STX2: variants seen among roughly 807,000 people sequenced by gnomAD.
The protein encoded by STX2 is syntaxin-2.
A neutral mutation model predicts 40.6 loss-of-function variants in STX2; 27 were observed. The observed-to-expected ratio is 0.66, with a 90% CI of 0.49 to 0.92. STX2 has a LOEUF of 0.92. STX2 is among the 40% of genes least tolerant of loss of function. The probability of loss-of-function intolerance (pLI) is 0.00; values close to 1 mark genes in which losing one functional copy is unlikely to be tolerated. For missense variants in STX2, 328 were observed against 366.1 expected, an observed-to-expected ratio of 0.90 and a Z score of 0.85; for synonymous variants, 123 against 119.1, an observed-to-expected ratio of 1.03 and a Z score of -0.22.
In STX2 at chr12:130,807,081, G is replaced by A; in HGVS notation, c.364C>T (p.Leu122=). 1 of 1,614,140 alleles carries A rather than the reference G, an allele frequency of 6.2e-7. No homozygotes were observed. Among genetic ancestry groups the A allele is most frequent in the Non-Finnish European group, 8.5e-7 (1 of 1,179,986 alleles). Residue 122 remains leucine (L), a synonymous_variant, in exon 6 of 11, where the codon CTG becomes TTG. Transcript: ENST00000392373. Reference sequence around the variant, plus strand: ...ATGGCTTCCACAAACTTCCGAGACAGCACCGAATGCTAACAACACAGGAAA... The same window carrying A: ...ATGGCTTCCACAAACTTCCGAGACAACACCGAATGCTAACAACACAGGAAA... ...LRIRRTQHSV[L]SRKFVEAMAE...
intron 2 of STX2, among the ~76,000 whole-genome samples, chr12:130,826,004 C>G (rs1952288026): frequency 6.6e-6 from 1 of 152,186 alleles, no homozygotes; most frequent in South Asian, 2.1e-4. Flanking sequence ...AAGAGCTGAG[C>G]TGGGGAGATA....
chr12:130,826,379 G>A (rs184986733), intron 2 of STX2, among the ~76,000 whole-genome samples: 46 of 152,282 alleles, frequency 3.0e-4, no homozygotes, highest in Middle Eastern at 3.4e-3. Flanking sequence ...CTTAAGGGGC[G>A]CCGCAGGACC....
intron 1 of STX2, among the ~76,000 whole-genome samples, chr12:130,836,734 T>G (rs1034019485): frequency 2.0e-5 from 3 of 152,240 alleles, no homozygotes; most frequent in African/African-American, 7.2e-5. Flanking sequence ...ACAAGAGAGA[T>G]ACCACTGTCC....
intron 1 of STX2, among the ~76,000 whole-genome samples, chr12:130,829,740 C>T (rs984277144): frequency 2.0e-5 from 3 of 152,160 alleles, no homozygotes; most frequent in African/African-American, 7.2e-5. Context: ...CTCAGCTGTG[C>T]GGTCTCAGAG....
intron 3 of STX2, among the ~76,000 whole-genome samples, chr12:130,819,120 C>G (rs7304124): frequency 0.11 from 16,975 of 152,272 alleles, 1,166 homozygotes; most frequent in Non-Finnish European, 0.14. Flanking sequence ...GGACCGGGGA[C>G]CCGCCCAGGA....
At chr12:130,795,311 T>C (rs376297788) in intron 10 of STX2, among the ~76,000 whole-genome samples, 9 of 152,342 alleles carry the variant, frequency 5.9e-5, no homozygotes, top group Admixed American at 2.6e-4. Flanking sequence ...TTTTATAAAG[T>C]ACCTTTCAGT....
At chr12:130,822,148 G>T (rs373602763) in intron 2 of STX2, among the ~76,000 whole-genome samples, 183 of 152,264 alleles carry the variant, frequency 1.2e-3, no homozygotes, top group African/African-American at 4.1e-3. Context: ...CAGGCACAGT[G>T]GCTCACACCT....
intron 8 of STX2, among the ~76,000 whole-genome samples, chr12:130,800,456 T>G (rs764406698): frequency 2.0e-5 from 3 of 152,160 alleles, no homozygotes; most frequent in Non-Finnish European, 2.9e-5. Context: ...AAGAATTGCA[T>G]TAACTCTTCG....
chr12:130,794,897 A>G (rs1285785234), intron 10 of STX2, among the ~76,000 whole-genome samples: 1 of 152,246 alleles, frequency 6.6e-6, no homozygotes, highest in African/African-American at 2.4e-5. Context: ...AACAGTTCAC[A>G]ACTGTCTAAT....
intron 10 of STX2, among the ~76,000 whole-genome samples, chr12:130,793,221 G>A (rs1385139286): frequency 6.6e-6 from 1 of 152,124 alleles, no homozygotes; most frequent in East Asian, 1.9e-4. Context: ...CTGCCTGCAG[G>A]AGGGCCCCTC....
intron 8 of STX2, among the ~76,000 whole-genome samples, chr12:130,800,418 A>G (rs1009090877): frequency 6.6e-6 from 1 of 151,750 alleles, no homozygotes; most frequent in African/African-American, 2.4e-5. Context: ...CTCCCACCTC[A>G]GCCTCCCAGA....
At chr12:130,795,796 G>A (rs963772584) in intron 10 of STX2, among the ~76,000 whole-genome samples, 199 bp downstream of exon 10, 2 of 152,110 alleles carry the variant, frequency 1.3e-5, no homozygotes, top group Non-Finnish European at 2.9e-5. Flanking sequence ...ATGAGTTACC[G>A]CCCAGCCTGT....
chr12:130,797,353 T>G (rs1164221613), intron 9 of STX2, among the ~76,000 whole-genome samples: 1 of 152,172 alleles, frequency 6.6e-6, no homozygotes, highest in African/African-American at 2.4e-5. Context: ...TCACCTCAGT[T>G]TACATTAGGG....
chr12:130,831,767 AT>A (rs1480035984), intron 1 of STX2, among the ~76,000 whole-genome samples: 1 of 150,760 alleles, frequency 6.6e-6, no homozygotes, highest in South Asian at 2.1e-4. Context: ...ATACTTTTTT[AT>A]TTTTTTGTAT....
At chr12:130,829,373 C>G (rs1225165281) in intron 1 of STX2, among the ~76,000 whole-genome samples, 1 of 151,978 alleles carries the variant, frequency 6.6e-6, no homozygotes, top group South Asian at 2.1e-4. Context: ...AGTGAGGAGG[C>G]TGAAACACAG....
intron 10 of STX2, 69 bp from the exon 11 acceptor site, chr12:130,792,046 T>A (rs1950892143): frequency 2.8e-6 from 3 of 1,073,860 alleles, no homozygotes; most frequent in Non-Finnish European, 4.2e-6. Context: ...TGCTAACTAA[T>A]CCTTCTGGGA....
intron 1 of STX2, among the ~76,000 whole-genome samples, chr12:130,834,097 T>C (rs925353862): frequency 5.3e-5 from 8 of 151,926 alleles, no homozygotes; most frequent in African/African-American, 1.9e-4. Context: ...CTAAAAAAGG[T>C]GCAAGGCTAC....
intron 3 of STX2, among the ~76,000 whole-genome samples, chr12:130,821,047 C>T (rs1952092498): frequency 6.6e-6 from 1 of 152,178 alleles, no homozygotes; most frequent in Non-Finnish European, 1.5e-5. Flanking sequence ...TCTTTTCTCC[C>T]AATGAGGAGA....
At chr12:130,806,792 T>C (rs903730724) in intron 6 of STX2, among the ~76,000 whole-genome samples, 190 bp downstream of exon 6, 4 of 152,170 alleles carry the variant, frequency 2.6e-5, no homozygotes, top group Admixed American at 6.5e-5. Context: ...CCCCACCGCT[T>C]AGGACTTCCT....
Sources: gnomAD v4.1 joint callset for allele counts (sites outside exome capture counted in the v4.1 genomes callset) on GRCh38, gnomAD v4.1.1 for gene constraint, MANE v1.5 for transcripts, NCBI Gene and HGNC (gene_info 2026-07-23, HGNC 2026-07-21) for gene names.